Variants in MYT1L observed in about 807,000 individuals in gnomAD.
The protein encoded by MYT1L is myelin transcription factor 1 like, also known as myelin transcription factor 1-like protein.
MYT1L carries 12 observed loss-of-function variants against 126.7 expected under a neutral mutation model. The ratio of observed to expected loss-of-function variants is 0.09; its 90% CI spans 0.06 to 0.15. The LOEUF is 0.15. Ranked by LOEUF, MYT1L falls within the 10% of genes least tolerant of loss-of-function variation. The pLI, the probability that MYT1L is intolerant of heterozygous loss-of-function variation, is 1.00. For missense variants in MYT1L, 979 were observed against 1,585.2 expected (o/e 0.62, Z 6.49); for synonymous variants, 541 against 604.2 (o/e 0.90, Z 1.53).
intron 3 of MYT1L, among the ~76,000 whole-genome samples, chr2:2,131,792 C>G (rs1368425623): frequency 6.6e-6 from 1 of 151,732 alleles, no homozygotes; most frequent in African/African-American, 2.4e-5. Context: ...AGTGAGAACT[C>G]GGTCATGTAA....
At chr2:2,204,395 G>T (rs1263763016) in intron 2 of MYT1L, among the ~76,000 whole-genome samples, 11 of 150,892 alleles carry the variant, frequency 7.3e-5, no homozygotes, top group African/African-American at 2.2e-4. Context: ...AATCTACAAT[G>T]AACTCAAACA....
intron 14 of MYT1L, among the ~76,000 whole-genome samples, chr2:1,900,180 A>G (rs1235078142): frequency 6.6e-6 from 1 of 152,240 alleles, no homozygotes; most frequent in Non-Finnish European, 1.5e-5. Context: ...AACTGTAGAC[A>G]GCAGTCACTC....
At chr2:1,892,361 G>T in intron 14 of MYT1L, 74 bp from the exon 15 acceptor site, 2 of 1,491,886 alleles carry the variant, frequency 1.3e-6, no homozygotes, top group Non-Finnish European at 1.8e-6. Flanking sequence ...GGCAGGGCCT[G>T]CCCGCCCCGG....
At chr2:1,965,852 C>T (rs554552443) in intron 8 of MYT1L, among the ~76,000 whole-genome samples, 15 of 152,370 alleles carry the variant, frequency 9.8e-5, no homozygotes, top group Non-Finnish European at 1.9e-4. Flanking sequence ...GGACAAGGGA[C>T]TCAGGGAAAG....
At chr2:2,183,765 G>A (rs1036210755) in intron 2 of MYT1L, among the ~76,000 whole-genome samples, 2 of 143,664 alleles carry the variant, frequency 1.4e-5, no homozygotes, top group South Asian at 2.3e-4. Flanking sequence ...GAGGGAAGGA[G>A]GGAGAGGAAG....
At chr2:2,280,086 A>T (rs937836617) in intron 2 of MYT1L, among the ~76,000 whole-genome samples, 1 of 152,254 alleles carries the variant, frequency 6.6e-6, no homozygotes, top group African/African-American at 2.4e-5. Context: ...ATCAGAAAAC[A>T]TTAAAGTAAA....
intron 1 of MYT1L, among the ~76,000 whole-genome samples, chr2:2,297,034 T>G (rs1210485719): frequency 6.6e-6 from 1 of 152,122 alleles, no homozygotes; most frequent in Non-Finnish European, 1.5e-5. Flanking sequence ...ACCACCTGCC[T>G]TCCCAGGTTT....
chr2:2,288,772 G>C (rs1039365622), intron 1 of MYT1L, among the ~76,000 whole-genome samples: 2 of 152,086 alleles, frequency 1.3e-5, no homozygotes, highest in African/African-American at 4.8e-5. Flanking sequence ...TTTACAATGA[G>C]CTACACTTTG....
chr2:1,914,281 C>CA (rs950385260), intron 11 of MYT1L, among the ~76,000 whole-genome samples: 1 of 151,696 alleles, frequency 6.6e-6, no homozygotes, highest in Non-Finnish European at 1.5e-5. Context: ...AAAACAAAAA[C>CA]AAAAAAACCC....
intron 1 of MYT1L, among the ~76,000 whole-genome samples, chr2:2,301,825 T>TAAAAA (rs375520368): frequency 1.0e-5 from 1 of 96,898 alleles, no homozygotes; most frequent in Non-Finnish European, 2.1e-5. Context: ...CCTGTCTGTC[T>TAAAAA]AAAAAAAAAA....
intron 3 of MYT1L, among the ~76,000 whole-genome samples, chr2:2,098,974 T>C (rs2077741932): frequency 6.6e-6 from 1 of 152,160 alleles, no homozygotes; most frequent in South Asian, 2.1e-4. Flanking sequence ...AAATAGGTTT[T>C]GGATCCACAG....
At chr2:2,275,306 G>T (rs1384879546) in intron 2 of MYT1L, among the ~76,000 whole-genome samples, 1 of 151,110 alleles carries the variant, frequency 6.6e-6, no homozygotes, top group Admixed American at 6.6e-5. Context: ...ACATTGCTGG[G>T]GCCATTCTGG....
chr2:1,834,757 T>G (rs1219534093), intron 21 of MYT1L, among the ~76,000 whole-genome samples: 1 of 149,336 alleles, frequency 6.7e-6, no homozygotes, highest in African/African-American at 2.5e-5. Flanking sequence ...TCCACAACAG[T>G]GTGAATACAG....
chr2:1,919,144 C>T (rs949820723), intron 10 of MYT1L, among the ~76,000 whole-genome samples: 8 of 152,126 alleles, frequency 5.3e-5, no homozygotes, highest in African/African-American at 1.9e-4. Flanking sequence ...TATGACTTCA[C>T]AGATATCGAA....
At chr2:2,314,116 A>G (rs544711438) in intron 1 of MYT1L, among the ~76,000 whole-genome samples, 11 of 152,316 alleles carry the variant, frequency 7.2e-5, no homozygotes, top group African/African-American at 2.2e-4. Flanking sequence ...AAATCATTCA[A>G]TAAGAAACAA....
At chr2:2,206,897 A>G (rs2093343027) in intron 2 of MYT1L, among the ~76,000 whole-genome samples, 1 of 152,206 alleles carries the variant, frequency 6.6e-6, no homozygotes, top group South Asian at 2.1e-4. Flanking sequence ...CTGAAGGGCT[A>G]TCTAGTGTCC....
At position 2,224,651 on chromosome 2, in the gene MYT1L, C is replaced by G. The variant is rs2093962744; in HGVS notation, c.-420-51663G>C. ...TGGCTAACAAGGTGAAACCCTTTCT[C>G]TACTAAAAATACAAAAAATTAGCCA... On this transcript the variant is annotated intron_variant, in intron 2 of 24. Coordinates refer to ENST00000647738, the MANE Select transcript of MYT1L (RefSeq NM_001303052.2). This position sits in a 1 kb window ranked among gnomAD's most constrained non-coding sequence, Gnocchi z 4.0. Among the ~76,000 whole-genome samples, 1 of 151,932 alleles carries G rather than the reference C, an allele frequency of 6.6e-6. No homozygotes were observed. The highest frequency in any genetic ancestry group is 2.4e-5 in the African/African-American group (1 of 41,350).
At chr2:1,936,251 T>C (rs1248259592) in intron 9 of MYT1L, among the ~76,000 whole-genome samples, 1 of 152,250 alleles carries the variant, frequency 6.6e-6, no homozygotes, top group African/African-American at 2.4e-5. Flanking sequence ...GTACATGGCA[T>C]GATATTTACA....
intron 1 of MYT1L, among the ~76,000 whole-genome samples, chr2:2,309,980 ATACTGTACCCATACTC>A (rs2095934407): frequency 6.6e-6 from 1 of 151,932 alleles, no homozygotes; most frequent in African/African-American, 2.4e-5. Flanking sequence ...ACACATTGGT[ATACTGTACCCATACTC>A]CACTCACACT....
Sources: gnomAD v4.1 joint callset for allele counts (sites outside exome capture counted in the v4.1 genomes callset) on GRCh38, gnomAD v4.1.1 for gene constraint, Gnocchi (gnomAD v3.1) non-coding constraint, MANE v1.5 for transcripts, NCBI Gene and HGNC (gene_info 2026-07-23, HGNC 2026-07-21) for gene names.